ZNF782: variants seen among roughly 807,000 people sequenced by gnomAD.
ZNF782 encodes the protein zinc finger protein 782.
Under a neutral mutation model 13.0 loss-of-function variants are expected in ZNF782, and 12 were observed. The observed-to-expected ratio is 0.92, with a 90% CI of 0.59 to 1.50. The LOEUF (loss-of-function observed/expected upper bound fraction) is 1.50, where lower values mean the gene tolerates loss of function less well. Among genes scored for constraint, ZNF782 ranks in the 40% most tolerant of loss-of-function variants. ZNF782 has a pLI of 0.00. For synonymous variants in ZNF782, 284 were observed against 283.0 expected, an observed-to-expected ratio of 1.00 and a Z score of -0.04; for missense variants, 770 against 822.9, an observed-to-expected ratio of 0.94 and a Z score of 0.79.
chr9:96,850,730 C>T lies in ZNF782; in HGVS notation c.15+1217G>A, dbSNP rs1166920458. 2.0e-5 allele frequency among the ~76,000 whole-genome samples: 3 copies of T among 152,104 alleles called. No individual in the cohort carries two copies. Among genetic ancestry groups the T allele is most frequent in the Non-Finnish European group, 4.4e-5 (3 of 68,008 alleles). On this transcript the variant is annotated intron_variant, in intron 3 of 5. Coordinates refer to ENST00000481138, the MANE Select transcript of ZNF782 (RefSeq NM_001001662.3). The surrounding 1 kb of genome is among the most constrained non-coding windows in gnomAD (Gnocchi z 4.3). Reference sequence around the variant, plus strand: ...ATTTATTATGATTATTTTAGTCTTGCTCTTTCATTTTAGTTAAGGCCTGTC... The same window carrying T: ...ATTTATTATGATTATTTTAGTCTTGTTCTTTCATTTTAGTTAAGGCCTGTC...
At chr9:96,869,788 T>C (rs1435988109) in intron 1 of ZNF782, among the ~76,000 whole-genome samples, 2 of 152,232 alleles carry the variant, frequency 1.3e-5, no homozygotes, top group African/African-American at 2.4e-5. Context: ...TTTGATGCTT[T>C]AGTCATTAGA....
At chr9:96,878,052 C>T (rs1472316208), upstream of ZNF782, among the ~76,000 whole-genome samples, 2 of 152,212 alleles carry the variant, frequency 1.3e-5, no homozygotes, top group Admixed American at 6.5e-5. Flanking sequence ...AAGTTCTGTA[C>T]TGAAAAAGGC....
chr9:96,909,382 C>CAGT, the ZNF782 span, among the ~76,000 whole-genome samples: 8 of 149,772 alleles, frequency 5.3e-5, no homozygotes, highest in Non-Finnish European at 1.2e-4. Context: ...CAAGTATTTA[C>CAGT]AAGTGGCTCA....
At chr9:96,885,618 A>C in the ZNF782 span, among the ~76,000 whole-genome samples, 3 of 152,290 alleles carry the variant, frequency 2.0e-5, no homozygotes, top group Non-Finnish European at 4.4e-5. Flanking sequence ...AAAAGACATA[A>C]ATCTACAGAT....
At chr9:96,822,655 T>C (rs1850465684) in intron 5 of ZNF782, among the ~76,000 whole-genome samples, 1 of 152,196 alleles carries the variant, frequency 6.6e-6, no homozygotes, top group South Asian at 2.1e-4. Flanking sequence ...TCTTTTGCTT[T>C]GCTTAGTTTT....
chr9:96,896,389 T>C, the ZNF782 span, among the ~76,000 whole-genome samples: 1 of 152,182 alleles, frequency 6.6e-6, no homozygotes, highest in Non-Finnish European at 1.5e-5. Flanking sequence ...ATTACATTGA[T>C]GACATAATGC....
At chr9:96,879,258 G>A (rs544138431), upstream of ZNF782, among the ~76,000 whole-genome samples, 2 of 152,330 alleles carry the variant, frequency 1.3e-5, no homozygotes, top group Admixed American at 1.3e-4. Flanking sequence ...GGAGGCTTAG[G>A]CGGGCAGATC....
the ZNF782 span, among the ~76,000 whole-genome samples, chr9:96,884,126 G>A: frequency 0.072 from 10,923 of 152,260 alleles, 1,192 homozygotes; most frequent in African/African-American, 0.24. Flanking sequence ...TGGCAGGGCC[G>A]AGCACAGAGC....
chr9:96,911,682 G>A, the ZNF782 span, among the ~76,000 whole-genome samples: 1,751 of 150,864 alleles, frequency 0.012, no homozygotes, highest in African/African-American at 0.041. Flanking sequence ...CACTACACCC[G>A]GCTAATTTTT....
chr9:96,919,066 A>C, the ZNF782 span: 1 of 216,786 alleles, frequency 4.6e-6, no homozygotes, highest in Middle Eastern at 5.2e-4. Flanking sequence ...GATATAACTC[A>C]TCAGCAGCTG....
At chr9:96,887,312 A>AG in the ZNF782 span, 1 of 147,708 alleles carries the variant, frequency 6.8e-6, no homozygotes, top group African/African-American at 2.6e-5. Context: ...GAAGGAAGGA[A>AG]GGAAGGAAGG....
intron 4 of ZNF782, among the ~76,000 whole-genome samples, chr9:96,838,783 T>G (rs910689173): frequency 2.0e-5 from 3 of 151,550 alleles, no homozygotes; most frequent in Non-Finnish European, 2.9e-5. Context: ...TGGAGTGATC[T>G]TGGCTCACTG....
intron 4 of ZNF782, among the ~76,000 whole-genome samples, chr9:96,842,313 G>T (rs1851212585): frequency 6.6e-6 from 1 of 151,906 alleles, no homozygotes. Context: ...CAAACACCCA[G>T]TAAGATTTTA....
the ZNF782 span, among the ~76,000 whole-genome samples, chr9:96,901,551 C>T: frequency 5.1e-4 from 77 of 152,018 alleles, no homozygotes; most frequent in Middle Eastern, 3.4e-3. Context: ...GGATTACAGA[C>T]GTGAGCCGCT....
the ZNF782 span, among the ~76,000 whole-genome samples, chr9:96,911,510 G>GGTTTTTT: frequency 1.3e-4 from 14 of 109,688 alleles, no homozygotes; most frequent in Non-Finnish European, 2.1e-4. Context: ...TTTTTTTTTT[G>GGTTTTTT]TTTTTGTTTT....
At chr9:96,829,600 A>C (rs1850733389) in intron 4 of ZNF782, among the ~76,000 whole-genome samples, 1 of 152,200 alleles carries the variant, frequency 6.6e-6, no homozygotes, top group Non-Finnish European at 1.5e-5. Flanking sequence ...GAGTTGAAGA[A>C]TATTATCAAC....
the ZNF782 span, among the ~76,000 whole-genome samples, chr9:96,884,811 C>A: frequency 6.6e-6 from 1 of 152,068 alleles, no homozygotes; most frequent in Non-Finnish European, 1.5e-5. Context: ...TGGCACTATA[C>A]CCACTTAAAA....
At chr9:96,902,160 G>A in the ZNF782 span, among the ~76,000 whole-genome samples, 6 of 151,814 alleles carry the variant, frequency 4.0e-5, no homozygotes, top group Admixed American at 1.3e-4. Context: ...GGGGCCGAGC[G>A]CAGTGGCTCA....
upstream of ZNF782, among the ~76,000 whole-genome samples, chr9:96,858,261 GT>G (rs1851667762): frequency 6.6e-6 from 1 of 152,202 alleles, no homozygotes; most frequent in African/African-American, 2.4e-5. This position sits in a 1 kb window ranked among gnomAD's most constrained non-coding sequence, Gnocchi z 4.4. Flanking sequence ...AGTGTTGCCT[GT>G]GTTTAGAGAT....
Sources: gnomAD v4.1 joint callset for allele counts (sites outside exome capture counted in the v4.1 genomes callset) on GRCh38, gnomAD v4.1.1 for gene constraint, Gnocchi (gnomAD v3.1) non-coding constraint, MANE v1.5 for transcripts, NCBI Gene and HGNC (gene_info 2026-07-23, HGNC 2026-07-21) for gene names.